Variants in ALKBH8 observed in about 807,000 individuals in gnomAD.
The protein encoded by ALKBH8 is alkB homolog 8, tRNA methyltransferase, also known as tRNA (carboxymethyluridine(34)-5-O)-methyltransferase ALKBH8.
A neutral mutation model predicts 59.8 loss-of-function variants in ALKBH8; 36 were observed. The observed-to-expected ratio is 0.60, with a 90% confidence interval of 0.46 to 0.79. ALKBH8 has a LOEUF of 0.79. Among genes scored for constraint, ALKBH8 ranks in the 30% least tolerant of loss-of-function variants. The pLI is 0.00. For missense variants in ALKBH8, 768 were observed against 801.0 expected (o/e 0.96, Z 0.50); for synonymous variants, 276 against 273.6 (o/e 1.01, Z -0.09).
At chr11:107,551,036 A>C (rs967603948) in intron 6 of ALKBH8, among the ~76,000 whole-genome samples, 3 of 152,246 alleles carry the variant, frequency 2.0e-5, no homozygotes, top group Non-Finnish European at 4.4e-5. Flanking sequence ...GCTGCTAACA[A>C]GTATAAGAAA....
rs1345708219 is a variant in ALKBH8 at position 107,505,316 on chromosome 11, A to G, written c.1438-101T>C. 3 of 818,712 alleles carry G rather than the reference A, an allele frequency of 3.7e-6. No homozygotes were observed. In the African/African-American group the frequency reaches 5.1e-5, roughly 14 times the overall value. The allele number at this position is 818,712 out of a possible 1,614,324, so 50.7% of individuals were successfully genotyped here. ...GTTTTCAATTAGGATGAACAATAAG[A>G]ATATCTAACAAAATATCTTATGTAA... On this transcript the variant is annotated intron_variant, in intron 11 of 11. Transcript: ENST00000428149.
chr11:107,526,288 G>A (rs12226565), intron 8 of ALKBH8, among the ~76,000 whole-genome samples: 38,011 of 151,792 alleles, frequency 0.25, 5,516 homozygotes, highest in East Asian at 0.47. Context: ...GGTATTTTCT[G>A]AGTTTTAAAT....
intron 7 of ALKBH8, among the ~76,000 whole-genome samples, chr11:107,547,376 A>G (rs1864305712): frequency 6.6e-6 from 1 of 152,192 alleles, no homozygotes; most frequent in Admixed American, 6.5e-5. Flanking sequence ...TTGAAATCCT[A>G]CTTCTAGGCT....
At chr11:107,522,267 G>A in intron 10 of ALKBH8, 32 bp downstream of exon 10, 1 of 1,547,296 alleles carries the variant, frequency 6.5e-7, no homozygotes, top group Non-Finnish European at 8.7e-7. Context: ...TGCAAATTAA[G>A]CAAAAAGAAA....
chr11:107,538,810 C>T (rs1189706251), intron 7 of ALKBH8, among the ~76,000 whole-genome samples: 4 of 152,142 alleles, frequency 2.6e-5, no homozygotes, highest in African/African-American at 7.2e-5. Flanking sequence ...CAAATTTAAT[C>T]CTGATCCTTA....
At chr11:107,525,394 T>C (rs1438718927) in intron 9 of ALKBH8, 47 bp downstream of exon 9, 1 of 1,485,986 alleles carries the variant, frequency 6.7e-7, no homozygotes, top group Non-Finnish European at 8.9e-7. Context: ...AGGACTTTTA[T>C]ATTAAACTGA....
At chr11:107,544,342 G>C (rs1435173498) in intron 7 of ALKBH8, among the ~76,000 whole-genome samples, 3 of 152,152 alleles carry the variant, frequency 2.0e-5, no homozygotes, top group South Asian at 4.2e-4. Flanking sequence ...CTTATTGAAG[G>C]GGCTTGACTA....
At chr11:107,535,552 T>C (rs548790) in intron 7 of ALKBH8, among the ~76,000 whole-genome samples, 117,011 of 152,152 alleles carry the variant, frequency 0.77, 45,824 homozygotes, top group South Asian at 0.85. Context: ...ACTTGTATAT[T>C]GTCTTTTAAG....
At chr11:107,506,291 G>A (rs1862381064) in intron 11 of ALKBH8, among the ~76,000 whole-genome samples, 1 of 151,694 alleles carries the variant, frequency 6.6e-6, no homozygotes, top group African/African-American at 2.4e-5. Flanking sequence ...CTTCTCCTTA[G>A]AAAAATTTAA....
chr11:107,527,996 T>TCCTA (rs1261175266), intron 8 of ALKBH8, among the ~76,000 whole-genome samples: 1 of 152,100 alleles, frequency 6.6e-6, no homozygotes, highest in African/African-American at 2.4e-5. Context: ...TCCCTTCTTG[T>TCCTA]CCTAGTTTGC....
intron 10 of ALKBH8, among the ~76,000 whole-genome samples, chr11:107,520,100 C>T (rs1171098186): frequency 6.6e-6 from 1 of 152,144 alleles, no homozygotes; most frequent in Non-Finnish European, 1.5e-5. Flanking sequence ...TGTCACATTC[C>T]TCCAAGGCTG....
At chr11:107,561,374 T>C (rs769820424) in intron 1 of ALKBH8, among the ~76,000 whole-genome samples, 4 of 150,962 alleles carry the variant, frequency 2.6e-5, no homozygotes, top group Non-Finnish European at 4.4e-5. Context: ...AATACATACA[T>C]AGCAGTGCCA....
chr11:107,536,081 G>A (rs1332306088), intron 7 of ALKBH8, among the ~76,000 whole-genome samples: 1 of 152,150 alleles, frequency 6.6e-6, no homozygotes, highest in Non-Finnish European at 1.5e-5. Context: ...ACACAATAAA[G>A]GTGGCCATCT....
chr11:107,502,879 A>G lies in ALKBH8; in HGVS notation c.*1779T>C, dbSNP rs1224458472. 1 of 152,240 alleles carries G rather than the reference A, an allele frequency of 6.6e-6. No individual in the cohort carries two copies. The highest frequency in any genetic ancestry group is 1.5e-5 in the Non-Finnish European group (1 of 68,044). 9.4% of individuals were successfully genotyped at this position (152,240 alleles called of 1,614,324 possible). On this transcript the variant is annotated 3_prime_UTR_variant, in exon 12 of 12. Coordinates refer to ENST00000428149, the MANE Select transcript of ALKBH8 (RefSeq NM_138775.3). ...CTATGATGTATACAAATATACTTTC[A>G]GTGAATTTTCATAACAACTCTTCCA... is the stretch of plus-strand genomic sequence containing the variant.
intron 10 of ALKBH8, among the ~76,000 whole-genome samples, chr11:107,511,644 T>C (rs1399310639): frequency 6.6e-6 from 1 of 152,172 alleles, no homozygotes; most frequent in Non-Finnish European, 1.5e-5. Context: ...TGGCGTGATC[T>C]CAGCTCATGG....
intron 6 of ALKBH8, 21 bp from the exon 7 acceptor site, chr11:107,549,844 A>T: frequency 6.7e-7 from 1 of 1,500,046 alleles, no homozygotes; most frequent in Non-Finnish European, 9.1e-7. Context: ...AAACAGGACA[A>T]CACGTCACTT....
chr11:107,560,854 T>C lies in ALKBH8; in HGVS notation c.40A>G (p.Thr14Ala). 6.2e-7 allele frequency: 1 copy of C among 1,613,036 alleles called. No individual in the cohort carries two copies. Among genetic ancestry groups the C allele is most frequent in the Non-Finnish European group, 8.5e-7 (1 of 1,179,482 alleles). The change falls in exon 2 of 12, where the codon ACT becomes GCT. Residue 14 changes from threonine to alanine, a missense_variant. Transcript: ENST00000428149. Reference protein sequence around the residue: ...NHQSNYKLSKTEKKFLRKQIK... With the variant: ...NHQSNYKLSKAEKKFLRKQIK... Reference sequence around the variant, plus strand: ...TGTTTCCTTAAGAACTTCTTCTCAGTTTTACTGAGTTTGTAATTACTTTGA... The same window carrying C: ...TGTTTCCTTAAGAACTTCTTCTCAGCTTTACTGAGTTTGTAATTACTTTGA...
intron 11 of ALKBH8, 32 bp downstream of exon 11, chr11:107,510,855 A>C (rs918138926): frequency 4.5e-6 from 7 of 1,545,672 alleles, no homozygotes; most frequent in Admixed American, 2.0e-5. Context: ...CTTTAGCTAC[A>C]AGTTCTTAAG....
At chr11:107,511,200 A>G (rs959465935) in intron 10 of ALKBH8, among the ~76,000 whole-genome samples, 164 bp from the exon 11 acceptor site, 2 of 152,234 alleles carry the variant, frequency 1.3e-5, no homozygotes, top group Non-Finnish European at 2.9e-5. Flanking sequence ...ATAAAATCAG[A>G]ATATATAATT....
Sources: allele counts gnomAD v4.1 joint callset (sites outside exome capture counted in the v4.1 genomes callset), GRCh38; gene constraint gnomAD v4.1.1; transcripts MANE v1.5; gene names NCBI Gene and HGNC (gene_info 2026-07-23, HGNC 2026-07-21).